Variants in MCM7 observed in about 807,000 individuals in gnomAD.
MCM7 encodes minichromosome maintenance complex component 7, also known as DNA replication licensing factor MCM7.
Under a neutral mutation model 83.5 loss-of-function variants are expected in MCM7, and 95 were observed. The observed-to-expected ratio is 1.14, with a 90% CI of 0.96 to 1.35. MCM7 has a LOEUF of 1.35. Ranked by LOEUF, MCM7 falls within the 40% of genes most tolerant of loss-of-function variation. The pLI is 0.00. For missense variants in MCM7, 1,087 were observed against 957.4 expected, an observed-to-expected ratio of 1.14 and a Z score of -1.79; for synonymous variants, 461 against 352.7, an observed-to-expected ratio of 1.31 and a Z score of -3.44.
intron 1 of MCM7, 80 bp from the exon 2 acceptor site, chr7:100,100,173 T>C: frequency 6.5e-7 from 1 of 1,549,158 alleles, no homozygotes; most frequent in Non-Finnish European, 8.7e-7. Flanking sequence ...AAACACGACC[T>C]ATGAACTAAT....
chr7:100,098,831 C>G, intron 5 of MCM7, 116 bp from the exon 6 acceptor site: 2 of 1,441,506 alleles, frequency 1.4e-6, no homozygotes, highest in East Asian at 2.3e-5. Context: ...GTCAAGAACC[C>G]TCTGAACTTA....
chr7:100,099,613 C>G lies in MCM7; in HGVS notation c.252G>C (p.Leu84=), dbSNP rs1157502356. 6.2e-7 allele frequency: 1 copy of G among 1,614,048 alleles called. No homozygotes were observed. Among genetic ancestry groups the G allele is most frequent in the Non-Finnish European group, 8.5e-7 (1 of 1,180,030 alleles). The change falls in exon 3 of 15, where the codon CTG becomes CTC. Residue 84 remains leucine (L), a synonymous_variant. Transcript: ENST00000303887. ...AKLFADAVQE[L]LPQYKEREVV... The stretch of plus-strand genomic sequence containing the variant: ...CTTCCCTCTCCTTGTACTGAGGCAG[C>G]AGCTCTTGTACGGCATCAGCAAAGA...
At chr7:100,096,244 G>C (rs1287763860) in intron 10 of MCM7, 77 bp from the exon 11 acceptor site, 1 of 1,423,746 alleles carries the variant, frequency 7.0e-7, no homozygotes, top group Non-Finnish European at 9.3e-7. Flanking sequence ...AAACGGGCCA[G>C]GGAGGCGAGG....
At chr7:100,100,222 C>T (rs1795898119) in intron 1 of MCM7, 129 bp from the exon 2 acceptor site, 7 of 1,445,010 alleles carry the variant, frequency 4.8e-6, no homozygotes, top group Non-Finnish European at 6.4e-6. Flanking sequence ...CCGAAGTCTC[C>T]CCAAAGTGGG....
rs1236877997 is a variant in MCM7, at chr7:100,101,268, C to T, written c.27G>A (p.Glu9=). The change falls in exon 1 of 15, where the codon GAG becomes GAA. Residue 9 remains glutamate, a synonymous_variant. Coordinates refer to ENST00000303887, the MANE Select transcript of MCM7 (RefSeq NM_005916.5). ...CCCGGGCTCGTAGACCCGTACCCTTCTCTAGCGCGTAGTCCTTCAGTGCCA... is the reference window on the plus strand; with the variant it reads ...CCCGGGCTCGTAGACCCGTACCCTTTTCTAGCGCGTAGTCCTTCAGTGCCA... The part of the protein sequence containing the change: MALKDYAL[E]KEKVKKFLQE... The T allele has an allele frequency of 6.2e-7, 1 of 1,613,182 alleles. No individual in the cohort carries two copies. Among genetic ancestry groups the T allele is most frequent in the African/African-American group, 1.3e-5 (1 of 74,952 alleles).
chr7:100,095,835 G>C lies in MCM7; in HGVS notation c.1534C>G (p.Leu512Val). ...AGCCAGAGGAGGTCAAACCGGGAGA[G>C]CAGTGCAGCAGGTAGCTGTATGTTC... ...EQNIQLPAAL[L>V]SRFDLLWLIQ... is the part of the protein sequence containing the mutation. The change falls in exon 11 of 15, where the codon CTC (leucine) becomes GTC (valine). Residue 512 changes from leucine (L) to valine (V), a missense_variant. Transcript: ENST00000303887. 1.2e-6 allele frequency: 2 copies of C among 1,609,748 alleles called. No homozygotes were observed. Among genetic ancestry groups the C allele is most frequent in the Non-Finnish European group, 1.7e-6 (2 of 1,178,336 alleles).
At chr7:100,099,810 G>A in intron 2 of MCM7, 57 bp from the exon 3 acceptor site, 5 of 1,596,550 alleles carry the variant, frequency 3.1e-6, no homozygotes, top group Middle Eastern at 1.7e-4. Flanking sequence ...GCTCACCAGT[G>A]TTCATATGTG....
At chr7:100,099,462 C>T (rs1169539305) in intron 3 of MCM7, 59 bp from the exon 4 acceptor site, 70 of 1,583,312 alleles carry the variant, frequency 4.4e-5, no homozygotes, top group Non-Finnish European at 5.9e-5. Context: ...GAAAGGAGAG[C>T]ACAGAGAACA....
At chr7:100,093,922 C>T (rs1289897894) in intron 13 of MCM7, 3 of 697,682 alleles carry the variant, frequency 4.3e-6, no homozygotes, top group African/African-American at 3.5e-5. Flanking sequence ...GTGAAACAGA[C>T]CCCAACCACC....
intron 10 of MCM7, among the ~76,000 whole-genome samples, chr7:100,096,471 T>A (rs1795640835): frequency 6.6e-6 from 1 of 152,162 alleles, no homozygotes; most frequent in Admixed American, 6.5e-5. Flanking sequence ...CCAACCAATT[T>A]TTAAAACTTT....
Position 100,099,180 on chromosome 7 carries a change from C to T in MCM7, c.425G>A (p.Ser142Asn). 6.2e-7 allele frequency: 1 copy of T among 1,614,068 alleles called. No homozygotes were observed. Among genetic ancestry groups the T allele is most frequent in the Non-Finnish European group, 8.5e-7 (1 of 1,180,020 alleles). The change falls in exon 5 of 15, where the codon AGC becomes AAC. Residue 142 changes from serine to asparagine, a missense_variant. Physicochemically the swap from Ser to Asn is conservative, Grantham distance 46. Coordinates refer to ENST00000303887, the MANE Select transcript of MCM7 (RefSeq NM_005916.5). ...CCGGATCACACGAGGCTTGTTGCTGCTAGGGCCTTGAAAATACAGCTCACT... is the reference window on the plus strand; with the variant it reads ...CCGGATCACACGAGGCTTGTTGCTGTTAGGGCCTTGAAAATACAGCTCACT... ...RRFELYFQGP[S>N]SNKPRVIREV...
chr7:100,100,062 G>A lies in MCM7; in HGVS notation c.63C>T (p.Tyr21=), dbSNP rs535453796. The A allele has an allele frequency of 1.2e-6, 2 of 1,614,022 alleles. No individual in the cohort carries two copies. Among genetic ancestry groups the A allele is most frequent in the East Asian group, 2.2e-5 (1 of 44,886 alleles). The change falls in exon 2 of 15, where the codon TAC becomes TAT. Residue 21 remains tyrosine, a synonymous_variant. Transcript: ENST00000303887. The part of the protein sequence containing the change: ...EKVKKFLQEF[Y]QDDELGKKQF... The stretch of plus-strand genomic sequence containing the variant: ...GCTTCTTCCCGAGTTCATCATCCTG[G>A]TAGAACTCTTGTAAGAACTTCTTAA...
rs1795724297 is a variant in MCM7 at position 100,097,833 on chromosome 7, C to A, written c.985+1G>T. 6.2e-7 allele frequency: 1 copy of A among 1,614,202 alleles called. No homozygotes were observed. On this transcript the variant is annotated splice_donor_variant, in intron 8 of 14. Transcript: ENST00000303887. LOFTEE classifies it high-confidence loss of function. ...TTTCCTCTCTCTCCCCTGCCCCTCACCTGCAATTTGCCTCAGCTCCTCCCT... is the reference window on the plus strand; with the variant it reads ...TTTCCTCTCTCTCCCCTGCCCCTCAACTGCAATTTGCCTCAGCTCCTCCCT...
At chr7:100,097,095 T>C (rs1386711014) in intron 10 of MCM7, among the ~76,000 whole-genome samples, 1 of 152,074 alleles carries the variant, frequency 6.6e-6, no homozygotes, top group Non-Finnish European at 1.5e-5. Flanking sequence ...AGCAAGCCTC[T>C]ATCTCAAAAA....
At chr7:100,100,255 G>C in intron 1 of MCM7, 162 bp from the exon 2 acceptor site, 1 of 1,401,376 alleles carries the variant, frequency 7.1e-7, no homozygotes, top group African/African-American at 1.5e-5. Context: ...TCACAAGTCT[G>C]TTTCTAACCA....
At position 100,098,563 on chromosome 7, in the gene MCM7, G is replaced by A. The variant is rs773368527; in HGVS notation, c.720+15C>T. The A allele has an allele frequency of 9.6e-5, 155 of 1,613,776 alleles. No individual in the cohort carries two copies. The highest frequency in any genetic ancestry group is 1.2e-4 in the Non-Finnish European group (142 of 1,179,886). ...TCCCGATCCACCTGCCCAGGGCCACGTACCCCAAACTCACATGTTCTTGCA... is the reference window on the plus strand; with the variant it reads ...TCCCGATCCACCTGCCCAGGGCCACATACCCCAAACTCACATGTTCTTGCA... On this transcript the variant is annotated intron_variant, in intron 6 of 14. Coordinates refer to ENST00000303887, the MANE Select transcript of MCM7 (RefSeq NM_005916.5).
At chr7:100,095,197 A>G (rs1795553667) in intron 12 of MCM7, among the ~76,000 whole-genome samples, 190 bp downstream of exon 12, 1 of 152,246 alleles carries the variant, frequency 6.6e-6, no homozygotes, top group Non-Finnish European at 1.5e-5. Flanking sequence ...AGTGTAGGAA[A>G]CAAAATTTCC....
chr7:100,094,786 TA>T (rs1795529862), intron 12 of MCM7, among the ~76,000 whole-genome samples: 1 of 152,218 alleles, frequency 6.6e-6, no homozygotes, highest in Admixed American at 6.5e-5. Flanking sequence ...GCAGGTGTTT[TA>T]AACTTTAAAT....
intron 10 of MCM7, among the ~76,000 whole-genome samples, chr7:100,096,520 C>T (rs2116570291): frequency 1.3e-5 from 2 of 152,334 alleles, no homozygotes; most frequent in Admixed American, 1.3e-4. Flanking sequence ...TCCTCTAATC[C>T]CAGCACTTTC....
Sources: gnomAD v4.1 joint callset for allele counts (sites outside exome capture counted in the v4.1 genomes callset) on GRCh38, gnomAD v4.1.1 for gene constraint, MANE v1.5 for transcripts, NCBI Gene and HGNC (gene_info 2026-07-23, HGNC 2026-07-21) for gene names.